RAPGEF6: variants seen among roughly 807,000 people sequenced by gnomAD.
The protein encoded by RAPGEF6 is Rap guanine nucleotide exchange factor 6, also known as PDZ domain containing guanine nucleotide exchange factor (GEF) 2.
RAPGEF6 carries 56 observed loss-of-function variants against 171.4 expected under a neutral mutation model. That is an observed-to-expected ratio of 0.33 (90% CI 0.26 to 0.41). The LOEUF (loss-of-function observed/expected upper bound fraction) is 0.41, where lower values mean the gene tolerates loss of function less well. Among genes scored for constraint, RAPGEF6 ranks in the 10% least tolerant of loss-of-function variants. The pLI is 1.00. For missense variants in RAPGEF6, 1,674 were observed against 1,921.4 expected, an observed-to-expected ratio of 0.87 and a Z score of 2.41; for synonymous variants, 692 against 650.1, an observed-to-expected ratio of 1.06 and a Z score of -0.98.
chr5:131,519,802 G>GA (rs1758355796), intron 7 of RAPGEF6, among the ~76,000 whole-genome samples: 1 of 152,076 alleles, frequency 6.6e-6, no homozygotes, highest in Non-Finnish European at 1.5e-5. Flanking sequence ...TTTTCTTCTG[G>GA]AAAAACACAG....
Position 131,452,678 on chromosome 5 carries a change from G to A in RAPGEF6, c.3200+376C>T, listed in dbSNP as rs375021005. On this transcript the variant is annotated intron_variant, in intron 21 of 27. Coordinates refer to ENST00000509018, the MANE Select transcript of RAPGEF6 (RefSeq NM_016340.6). ...AGACAGGGTTTCACCTTGTTAGCTAGGATGGTCTCGATCTCCTGACCTTGT... is the reference window on the plus strand; with the variant it reads ...AGACAGGGTTTCACCTTGTTAGCTAAGATGGTCTCGATCTCCTGACCTTGT... Among the ~76,000 whole-genome samples, 6 of 149,706 alleles carry A rather than the reference G, an allele frequency of 4.0e-5. No individual in the cohort carries two copies. The South Asian group carries it at 6.3e-4, about 16-fold the overall frequency.
intron 5 of RAPGEF6, among the ~76,000 whole-genome samples, chr5:131,559,576 C>G (rs903273691): frequency 6.6e-6 from 1 of 152,084 alleles, no homozygotes; most frequent in Non-Finnish European, 1.5e-5. Flanking sequence ...GTAAGTCCAA[C>G]ACTTGGGAGG....
intron 23 of RAPGEF6, 167 bp from the exon 24 acceptor site, chr5:131,439,882 G>C: frequency 2.7e-6 from 3 of 1,131,312 alleles, no homozygotes; most frequent in Non-Finnish European, 3.6e-6. Context: ...GGCATACAGA[G>C]ATTCTCACCT....
chr5:131,571,814 C>G (rs1337473305), intron 4 of RAPGEF6, among the ~76,000 whole-genome samples: 2 of 152,288 alleles, frequency 1.3e-5, no homozygotes, highest in African/African-American at 4.8e-5. Flanking sequence ...GTCCTCTGAG[C>G]TGGCCACACC....
At chr5:131,522,020 C>T (rs1379166788) in intron 6 of RAPGEF6, among the ~76,000 whole-genome samples, 1 of 152,000 alleles carries the variant, frequency 6.6e-6, no homozygotes, top group Non-Finnish European at 1.5e-5. Context: ...GACTTAAGAC[C>T]AGTAACAAGT....
intron 15 of RAPGEF6, among the ~76,000 whole-genome samples, chr5:131,487,186 G>C (rs536221144): frequency 6.6e-6 from 1 of 152,194 alleles, no homozygotes; most frequent in African/African-American, 2.4e-5. Flanking sequence ...TGGGTTCATG[G>C]TCTTGCTGAC....
intron 13 of RAPGEF6, among the ~76,000 whole-genome samples, chr5:131,495,077 G>C (rs1011037520): frequency 6.6e-6 from 1 of 152,096 alleles, no homozygotes; most frequent in Admixed American, 6.5e-5. Context: ...GGCGGATCAC[G>C]AGGTCAGGAG....
chr5:131,524,425 T>G (rs977756262), intron 6 of RAPGEF6, among the ~76,000 whole-genome samples: 1 of 152,140 alleles, frequency 6.6e-6, no homozygotes, highest in Non-Finnish European at 1.5e-5. Flanking sequence ...ATTTCTGATT[T>G]AAGAAAAGCA....
rs367668402 is a variant in RAPGEF6 at position 131,578,934 on chromosome 5, G to A, written c.281+13449C>T. ...GCTTATATCCAGCCCCATTGTGTCC[G>A]AAATTGGTGGGTTCTTGGTCTCACT... On this transcript the variant is annotated intron_variant, in intron 4 of 27. Transcript: ENST00000509018. Among the ~76,000 whole-genome samples, 9 of 152,238 alleles carry A rather than the reference G, an allele frequency of 5.9e-5. No individual in the cohort carries two copies. In the South Asian group the frequency reaches 1.0e-3, roughly 18 times the overall value.
intron 4 of RAPGEF6, among the ~76,000 whole-genome samples, chr5:131,584,478 C>T (rs111515313): frequency 7.3e-4 from 111 of 152,314 alleles, no homozygotes; most frequent in African/African-American, 2.5e-3. Context: ...AACTAAACTG[C>T]TTTTGTAAAG....
At chr5:131,559,308 G>A (rs1347486651) in intron 5 of RAPGEF6, among the ~76,000 whole-genome samples, 3 of 151,982 alleles carry the variant, frequency 2.0e-5, no homozygotes, top group Admixed American at 6.6e-5. Context: ...CAGCCTAGAC[G>A]AGAGAGCAAA....
intron 26 of RAPGEF6, among the ~76,000 whole-genome samples, chr5:131,430,317 C>A (rs1308112902): frequency 1.3e-5 from 2 of 150,966 alleles, no homozygotes; most frequent in Middle Eastern, 3.2e-3. Context: ...TGGCCAAATA[C>A]TAAAAAAAAA....
chr5:131,525,282 T>C (rs1295671764), intron 6 of RAPGEF6, among the ~76,000 whole-genome samples: 1 of 151,924 alleles, frequency 6.6e-6, no homozygotes, highest in African/African-American at 2.4e-5. Flanking sequence ...TTAAGGCAAG[T>C]CTCAACAAAT....
chr5:131,464,166 A>G lies in RAPGEF6; in HGVS notation c.2355T>C (p.Gly785=). ...AATATGTGTCGGATGCACCGGTCAA[A>G]CCAAATTCATGAACAGCATGAAAAA... The part of the protein sequence containing the change: ...EVVFHAVHEF[G]LTGASDTYSL... Residue 785 remains glycine (G), a synonymous_variant, in exon 18 of 28, where the codon GGT becomes GGC. Coordinates refer to ENST00000509018, the MANE Select transcript of RAPGEF6 (RefSeq NM_016340.6). 6.2e-7 allele frequency: 1 copy of G among 1,614,038 alleles called. No individual in the cohort carries two copies. The highest frequency in any genetic ancestry group is 8.5e-7 in the Non-Finnish European group (1 of 1,179,954).
At chr5:131,498,864 G>A (rs1465372908) in intron 11 of RAPGEF6, among the ~76,000 whole-genome samples, 2 of 152,188 alleles carry the variant, frequency 1.3e-5, no homozygotes, top group Non-Finnish European at 2.9e-5. Flanking sequence ...GTTTTCACTG[G>A]CATTTCATCA....
intron 23 of RAPGEF6, chr5:131,440,056 A>G (rs1713445085): frequency 2.6e-6 from 1 of 377,940 alleles, no homozygotes; most frequent in Non-Finnish European, 5.1e-6. Flanking sequence ...GCATGGATTC[A>G]AACTCTTCCC....
chr5:131,575,984 T>A (rs1762582378), intron 4 of RAPGEF6, among the ~76,000 whole-genome samples: 1 of 152,112 alleles, frequency 6.6e-6, no homozygotes, highest in Admixed American at 6.6e-5. Flanking sequence ...AATCTATTTT[T>A]CTCCTCACAC....
chr5:131,446,892 C>T, intron 21 of RAPGEF6, 189 bp from the exon 22 acceptor site: 2 of 580,326 alleles, frequency 3.4e-6, no homozygotes, highest in South Asian at 4.3e-5. Flanking sequence ...CAGGATTTGG[C>T]AAAGTACAGA....
At chr5:131,439,758 T>A in intron 23 of RAPGEF6, 43 bp from the exon 24 acceptor site, 1 of 1,598,426 alleles carries the variant, frequency 6.3e-7, no homozygotes, top group South Asian at 1.1e-5. Context: ...CGTTTCACAA[T>A]TAAAATGTCT....
Sources: gnomAD v4.1 joint callset for allele counts (sites outside exome capture counted in the v4.1 genomes callset) on GRCh38, gnomAD v4.1.1 for gene constraint, MANE v1.5 for transcripts, NCBI Gene and HGNC (gene_info 2026-07-23, HGNC 2026-07-21) for gene names.